SEMA3F: variants seen among roughly 807,000 people sequenced by gnomAD.
SEMA3F encodes the protein semaphorin-3F.
A neutral mutation model predicts 98.5 loss-of-function variants in SEMA3F; 30 were observed. The ratio of observed to expected loss-of-function variants is 0.30; its 90% CI spans 0.23 to 0.41. The LOEUF (loss-of-function observed/expected upper bound fraction) is 0.41, where lower values mean the gene tolerates loss of function less well. Among genes scored for constraint, SEMA3F ranks in the 10% least tolerant of loss-of-function variants. SEMA3F has a pLI of 1.00. For missense variants in SEMA3F, 866 were observed against 1,119.3 expected (o/e 0.77, Z 3.23); for synonymous variants, 380 against 444.8 (o/e 0.85, Z 1.83).
intron 2 of SEMA3F, among the ~76,000 whole-genome samples, chr3:50,168,987 G>A (rs1223848821): frequency 2.0e-5 from 3 of 152,208 alleles, no homozygotes; most frequent in African/African-American, 7.2e-5. Context: ...GAGCTAGGCT[G>A]CAGGGATCTG....
intron 12 of SEMA3F, 48 bp downstream of exon 12, chr3:50,183,612 G>A: frequency 2.5e-6 from 4 of 1,598,394 alleles, no homozygotes; most frequent in Non-Finnish European, 3.4e-6. Context: ...TCTTCTAAGA[G>A]GCCTCTGGGT....
intron 2 of SEMA3F, among the ~76,000 whole-genome samples, chr3:50,171,678 T>G (rs779206861): frequency 6.6e-6 from 1 of 152,010 alleles, no homozygotes; most frequent in Non-Finnish European, 1.5e-5. Context: ...GGTGGGGGAA[T>G]GTTTACTTTC....
intron 2 of SEMA3F, among the ~76,000 whole-genome samples, chr3:50,164,267 T>C (rs964653044): frequency 5.3e-5 from 8 of 152,198 alleles, no homozygotes; most frequent in Non-Finnish European, 1.5e-5. Flanking sequence ...CCCTTGGCAC[T>C]AAGTGAGGAG....
intron 18 of SEMA3F, among the ~76,000 whole-genome samples, chr3:50,187,453 C>T (rs1466651209): frequency 1.4e-5 from 2 of 145,418 alleles, no homozygotes; most frequent in Non-Finnish European, 3.0e-5. Context: ...AAAAGGAATT[C>T]TGTGTGTGCT....
At chr3:50,169,021 C>T (rs546241913) in intron 2 of SEMA3F, among the ~76,000 whole-genome samples, 41 of 152,304 alleles carry the variant, frequency 2.7e-4, no homozygotes, top group African/African-American at 9.1e-4. Context: ...GTCCCCATCA[C>T]TGCTGGGGGA....
intron 13 of SEMA3F, 118 bp from the exon 14 acceptor site, chr3:50,185,325 C>A: frequency 1.1e-6 from 1 of 938,806 alleles, no homozygotes; most frequent in Non-Finnish European, 1.6e-6. Context: ...CACCTTGGCA[C>A]AAAGCTCCAG....
chr3:50,186,096 A>G, intron 16 of SEMA3F, 50 bp downstream of exon 16: 1 of 1,562,894 alleles, frequency 6.4e-7, no homozygotes, highest in East Asian at 2.3e-5. Flanking sequence ...CCAGGGCCCT[A>G]TCCTAGGGGA....
rs544747181 is a variant in SEMA3F at position 50,156,033 on chromosome 3, G to A, written c.-49+469G>A. ...GAAGCGGTATACTGGCAGTCCCCAC[G>A]TGGGGGGTCTCCCACATCAGCAGAG... On this transcript the variant is annotated intron_variant, in intron 1 of 18. Transcript: ENST00000002829. This position sits in a 1 kb window ranked among gnomAD's most constrained non-coding sequence, Gnocchi z 4.5. 1.3e-5 allele frequency: 2 copies of A among 152,360 alleles called. No homozygotes were observed. The highest frequency in any genetic ancestry group is 4.8e-5 in the African/African-American group (2 of 41,582). The allele number at this position is 152,360 out of a possible 1,614,324, so 9.4% of individuals were successfully genotyped here. A position where few individuals can be genotyped will look rare whatever the true frequency, so the allele number is the denominator to read the frequency against.
intron 12 of SEMA3F, among the ~76,000 whole-genome samples, chr3:50,183,788 C>T (rs944195530): frequency 2.6e-5 from 4 of 152,220 alleles, no homozygotes; most frequent in Admixed American, 1.3e-4. Flanking sequence ...TCGGCTGCTC[C>T]TCAGAGGGTC....
chr3:50,155,127 C>G (rs1267887574), upstream of SEMA3F: 6 of 414,464 alleles, frequency 1.4e-5, no homozygotes, highest in Non-Finnish European at 2.7e-5. This position sits in a 1 kb window ranked among gnomAD's most constrained non-coding sequence, Gnocchi z 4.9. Context: ...CGGAGAGCCC[C>G]GAGCGCAGCG....
At chr3:50,160,467 C>A (rs944931111) in intron 2 of SEMA3F, among the ~76,000 whole-genome samples, 2 of 152,198 alleles carry the variant, frequency 1.3e-5, no homozygotes, top group African/African-American at 2.4e-5. Flanking sequence ...GACAGGTGCA[C>A]GCACACGGTA....
chr3:50,155,350 C>G lies in SEMA3F; in HGVS notation c.-263C>G. 1 of 296,062 alleles carries G rather than the reference C, an allele frequency of 3.4e-6. No homozygotes were observed. 18.3% of individuals were successfully genotyped at this position (296,062 alleles called of 1,614,324 possible). Reference sequence around the variant, plus strand: ...AGCGCCCCTGAGCCTTCCCATGGCCCGGGCTGGGGCCCGGGCCCTCGGCTG... The same window carrying G: ...AGCGCCCCTGAGCCTTCCCATGGCCGGGGCTGGGGCCCGGGCCCTCGGCTG... On this transcript the variant is annotated 5_prime_UTR_variant, in exon 1 of 19. Transcript: ENST00000002829. The surrounding 1 kb of genome is among the most constrained non-coding windows in gnomAD (Gnocchi z 4.9).
chr3:50,174,010 G>T (rs1337001285), intron 3 of SEMA3F, 42 bp from the exon 4 acceptor site: 1 of 1,613,988 alleles, frequency 6.2e-7, no homozygotes, highest in South Asian at 1.1e-5. Context: ...AGGGCTCAGG[G>T]CATGTCCAGA....
rs777352868 is a variant in SEMA3F at position 50,183,277 on chromosome 3, G to A, written c.1088+22G>A. 31 of 1,612,726 alleles carry A rather than the reference G, an allele frequency of 1.9e-5. No individual in the cohort carries two copies. The Admixed American group carries it at 5.2e-4, about 27-fold the overall frequency. On this transcript the variant is annotated intron_variant, in intron 11 of 18. Transcript: ENST00000002829. The stretch of plus-strand genomic sequence containing the variant: ...CTGGGTGAGGCTGGGGTCAGGGCCA[G>A]CAGTGGCAGGGAGTGGCCCCGTTGG...
At position 50,156,770 on chromosome 3, in the gene SEMA3F, G is replaced by GGAGAGAAAGCAGGGGCCA. The variant is rs1698002650; in HGVS notation, c.-49+1214_-49+1231dup. On this transcript the variant is annotated intron_variant, in intron 1 of 18. Transcript: ENST00000002829. The surrounding 1 kb of genome is among the most constrained non-coding windows in gnomAD (Gnocchi z 4.5). Reference sequence around the variant, plus strand: ...GCCCGGAAGTGGGGAGGTGGGGGCCGGAGAGAAAGCAGGGGCCAGAGAGAA... The same window carrying GGAGAGAAAGCAGGGGCCA: ...GCCCGGAAGTGGGGAGGTGGGGGCCGGAGAGAAAGCAGGGGCCAGAGAGAAAGCAGGGGCCAGAGAGAA... Among the ~76,000 whole-genome samples, 1 of 152,174 alleles carries GGAGAGAAAGCAGGGGCCA rather than the reference G, an allele frequency of 6.6e-6. No homozygotes were observed. The highest frequency in any genetic ancestry group is 1.5e-5 in the Non-Finnish European group (1 of 68,010).
intron 2 of SEMA3F, among the ~76,000 whole-genome samples, chr3:50,168,299 G>A (rs1698479015): frequency 6.6e-6 from 1 of 152,108 alleles, no homozygotes; most frequent in South Asian, 2.1e-4. Context: ...AGAGCATAGG[G>A]GGAAAAGGGG....
intron 2 of SEMA3F, among the ~76,000 whole-genome samples, chr3:50,162,702 T>C (rs1698255773): frequency 6.6e-6 from 1 of 152,102 alleles, no homozygotes; most frequent in Non-Finnish European, 1.5e-5. Context: ...TGGGGAGTGT[T>C]TACTTTTTCC....
At position 50,158,198 on chromosome 3, in the gene SEMA3F, G is replaced by A. The variant is rs1040959672; in HGVS notation, c.-48-1377G>A. On this transcript the variant is annotated intron_variant, in intron 1 of 18. Coordinates refer to ENST00000002829, the MANE Select transcript of SEMA3F (RefSeq NM_004186.5). The surrounding 1 kb of genome is among the most constrained non-coding windows in gnomAD (Gnocchi z 4.8). ...TTTGTGCCTCCCAGACCTGAGGAGG[G>A]GCTGGTTCTGATTCCCCCATCCCCC... is the stretch of plus-strand genomic sequence containing the variant. Among the ~76,000 whole-genome samples the A allele has an allele frequency of 4.6e-5, 7 of 152,222 alleles. No homozygotes were observed. Among genetic ancestry groups the A allele is most frequent in the African/African-American group, 1.7e-4 (7 of 41,452 alleles).
Position 50,186,559 on chromosome 3 carries a change from C to T in SEMA3F, c.1814-54C>T. The T allele has an allele frequency of 1.9e-6, 3 of 1,560,262 alleles. No individual in the cohort carries two copies. In the East Asian group the frequency reaches 6.8e-5, roughly 35 times the overall value. ...CCCTCGGTGCCTGCCCCGAAGCAGT[C>T]AGCAGGCTGCCCGGAGGTGATGCTG... On this transcript the variant is annotated intron_variant, in intron 17 of 18. Coordinates refer to ENST00000002829, the MANE Select transcript of SEMA3F (RefSeq NM_004186.5).
Sources: allele counts gnomAD v4.1 joint callset (sites outside exome capture counted in the v4.1 genomes callset), GRCh38; gene constraint gnomAD v4.1.1; non-coding constraint Gnocchi (gnomAD v3.1); transcripts MANE v1.5; gene names NCBI Gene and HGNC (gene_info 2026-07-23, HGNC 2026-07-21).